HPD: variants seen among roughly 807,000 people sequenced by gnomAD.
HPD encodes the protein 4-hydroxyphenylpyruvic acid oxidase.
A neutral mutation model predicts 56.9 loss-of-function variants in HPD; 35 were observed. That is an observed-to-expected ratio of 0.62 (90% confidence interval 0.47 to 0.82). The LOEUF (loss-of-function observed/expected upper bound fraction) is 0.82, where lower values mean the gene tolerates loss of function less well. Ranked by LOEUF, HPD falls within the 40% of genes least tolerant of loss-of-function variation. The probability of loss-of-function intolerance (pLI) is 0.00; values close to 1 mark genes in which losing one functional copy is unlikely to be tolerated. For missense variants in HPD, 442 were observed against 506.8 expected (o/e 0.87, Z 1.23); for synonymous variants, 186 against 200.2 (o/e 0.93, Z 0.60).
At chr12:121,853,141 C>T (rs1396973306) in intron 7 of HPD, among the ~76,000 whole-genome samples, 1 of 152,040 alleles carries the variant, frequency 6.6e-6, no homozygotes, top group Non-Finnish European at 1.5e-5. Flanking sequence ...AAGATGGACA[C>T]ATCACGGGGA....
chr12:121,870,456 G>A, the HPD span, among the ~76,000 whole-genome samples: 1 of 150,612 alleles, frequency 6.6e-6, no homozygotes, highest in East Asian at 2.0e-4. Flanking sequence ...GCAGTGAGTG[G>A]AGATCGTGCC....
At chr12:121,845,156 C>A (rs900307144) in intron 11 of HPD, among the ~76,000 whole-genome samples, 4 of 149,536 alleles carry the variant, frequency 2.7e-5, no homozygotes, top group Non-Finnish European at 4.4e-5. Flanking sequence ...TTCTGTCACC[C>A]AGGCTGCAGT....
chr12:121,855,249 C>G (rs1235612988), intron 6 of HPD, among the ~76,000 whole-genome samples: 1 of 152,202 alleles, frequency 6.6e-6, no homozygotes, highest in Non-Finnish European at 1.5e-5. Context: ...TGCAAAAGTA[C>G]TATTATCATC....
At chr12:121,869,199 A>G in the HPD span, among the ~76,000 whole-genome samples, 58 of 152,034 alleles carry the variant, frequency 3.8e-4, 1 homozygote, top group South Asian at 0.012. Flanking sequence ...AAAATACAAA[A>G]ATTAACCGGA....
Position 121,856,522 on chromosome 12 carries a change from C to A in HPD, c.241+61G>T, listed in dbSNP as rs1154511. The A allele has an allele frequency of 0.01, 16,534 of 1,604,368 alleles. 438 individuals carry two copies. The African/African-American group carries it at 0.11, about 10-fold the overall frequency. ...GCCCACCCACGGAGCCATGCGTCCA[C>A]CCTCCCAGAACCCAGATCCCACCCA... On this transcript the variant is annotated intron_variant, in intron 5 of 13. Coordinates refer to ENST00000289004, the MANE Select transcript of HPD (RefSeq NM_002150.3).
upstream of HPD, among the ~76,000 whole-genome samples, chr12:121,859,953 G>A (rs1344005997): frequency 1.3e-5 from 2 of 152,200 alleles, no homozygotes; most frequent in Non-Finnish European, 2.9e-5. Flanking sequence ...GAGGCCAGGA[G>A]TTTGAGACCA....
At chr12:121,864,872 A>G (rs1350927878), upstream of HPD, among the ~76,000 whole-genome samples, 1 of 151,902 alleles carries the variant, frequency 6.6e-6, no homozygotes, top group African/African-American at 2.4e-5. Context: ...AACAACAACA[A>G]CAACAACAAC....
At chr12:121,874,765 CTTTT>C in the HPD span, among the ~76,000 whole-genome samples, 1 of 146,294 alleles carries the variant, frequency 6.8e-6, no homozygotes. Context: ...TTGTCACTTT[CTTTT>C]TTTTTTTTTG....
chr12:121,875,021 A>T, the HPD span, among the ~76,000 whole-genome samples: 2 of 152,100 alleles, frequency 1.3e-5, no homozygotes, highest in Non-Finnish European at 2.9e-5. Context: ...CAGCCTCCCA[A>T]AGTGCTGGGA....
chr12:121,857,448 G>A lies in HPD; in HGVS notation c.94-16C>T. 6.3e-7 allele frequency: 1 copy of A among 1,576,092 alleles called. No homozygotes were observed. The highest frequency in any genetic ancestry group is 8.7e-7 in the Non-Finnish European group (1 of 1,145,380). Reference sequence around the variant, plus strand: ...ATGACGTGGCCTGAATCACAGGGTTGCAGCAGGGTTCATGAGGGTCAAGGG... The same window carrying A: ...ATGACGTGGCCTGAATCACAGGGTTACAGCAGGGTTCATGAGGGTCAAGGG... On this transcript the variant is annotated splice_polypyrimidine_tract_variant and intron_variant, in intron 3 of 13. Coordinates refer to ENST00000289004, the MANE Select transcript of HPD (RefSeq NM_002150.3).
At chr12:121,863,833 G>A (rs1878249134), upstream of HPD, among the ~76,000 whole-genome samples, 2 of 151,954 alleles carry the variant, frequency 1.3e-5, no homozygotes, top group East Asian at 1.9e-4. Flanking sequence ...AGCCCATTTT[G>A]GAAATTTGTG....
the HPD span, among the ~76,000 whole-genome samples, chr12:121,885,025 G>A: frequency 6.6e-6 from 1 of 151,392 alleles, no homozygotes; most frequent in Non-Finnish European, 1.5e-5. Context: ...CGAGTAGCTG[G>A]GATTACAGGT....
intron 9 of HPD, among the ~76,000 whole-genome samples, chr12:121,847,948 C>T (rs1036779282): frequency 7.9e-5 from 12 of 152,278 alleles, no homozygotes; most frequent in Non-Finnish European, 1.3e-4. Context: ...CAAATATGGG[C>T]CACCACGCCC....
At chr12:121,880,806 T>C in the HPD span, among the ~76,000 whole-genome samples, 1 of 152,064 alleles carries the variant, frequency 6.6e-6, no homozygotes, top group African/African-American at 2.4e-5. Flanking sequence ...CTTATTATTG[T>C]TATTATTTTC....
chr12:121,857,379 G>A lies in HPD; in HGVS notation c.147C>T (p.Gly49=), dbSNP rs769331934. 3.7e-6 allele frequency: 6 copies of A among 1,614,120 alleles called. No homozygotes were observed. The highest frequency in any genetic ancestry group is 4.2e-6 in the Non-Finnish European group (5 of 1,179,984). Residue 49 remains glycine (G), a synonymous_variant, in exon 4 of 14, where the codon GGC becomes GGT. Transcript: ENST00000289004. ...CCACCTCCCGGGAACCGGTCTCCAGGCCCCTGTAGGCTAGAGGTTCAAAGC... is the reference window on the plus strand; with the variant it reads ...CCACCTCCCGGGAACCGGTCTCCAGACCCCTGTAGGCTAGAGGTTCAAAGC... ...KMGFEPLAYR[G]LETGSREVVS... is the part of the protein sequence containing the mutation.
the HPD span, among the ~76,000 whole-genome samples, chr12:121,871,364 C>T: frequency 1.7e-5 from 2 of 115,684 alleles, no homozygotes; most frequent in Non-Finnish European, 3.8e-5. Context: ...GACCCTGTCT[C>T]AATTAAAAAA....
rs1877334318 is a variant in HPD at position 121,839,576 on chromosome 12, C to G, written c.*152G>C. On this transcript the variant is annotated 3_prime_UTR_variant, in exon 14 of 14. Coordinates refer to ENST00000289004, the MANE Select transcript of HPD (RefSeq NM_002150.3). ...GGAGGGCTGGAGCAGAGGGCGGCCC[C>G]GCCGAGGGGCGTGGTCAGTGTGGGC... The G allele has an allele frequency of 6.0e-6, 4 of 665,106 alleles. No homozygotes were observed. The Admixed American group carries it at 6.9e-5, about 11-fold the overall frequency. The allele number at this position is 665,106 out of a possible 1,614,324, so 41.2% of individuals were successfully genotyped here.
At chr12:121,843,986 A>G (rs1367494324) in intron 11 of HPD, among the ~76,000 whole-genome samples, 154 bp from the exon 12 acceptor site, 3 of 151,960 alleles carry the variant, frequency 2.0e-5, no homozygotes, top group South Asian at 2.1e-4. Flanking sequence ...CTTCTCTGTC[A>G]TGGGCCCCGT....
rs1407683320 is a variant in HPD at position 121,856,505 on chromosome 12, ACG to A, written c.241+76_241+77del. 3 of 1,596,430 alleles carry A rather than the reference ACG, an allele frequency of 1.9e-6. No homozygotes were observed. In the African/African-American group the frequency reaches 4.0e-5, roughly 21 times the overall value. On this transcript the variant is annotated intron_variant, in intron 5 of 13. Coordinates refer to ENST00000289004, the MANE Select transcript of HPD (RefSeq NM_002150.3). ...CAGGCCCTGAACCCAGAGCCCACCC[ACG>A]GAGCCATGCGTCCACCCTCCCAGAA...
Sources: allele counts gnomAD v4.1 joint callset (sites outside exome capture counted in the v4.1 genomes callset), GRCh38; gene constraint gnomAD v4.1.1; transcripts MANE v1.5; gene names NCBI Gene and HGNC (gene_info 2026-07-23, HGNC 2026-07-21).